NCOA2: variants seen among roughly 807,000 people sequenced by gnomAD.
The protein encoded by NCOA2 is nuclear receptor coactivator 2, also known as class E basic helix-loop-helix protein 75.
NCOA2 carries 21 observed loss-of-function variants against 145.1 expected under a neutral mutation model. The observed-to-expected ratio is 0.14, with a 90% CI of 0.10 to 0.21. NCOA2 has a LOEUF of 0.21. Among genes scored for constraint, NCOA2 ranks in the 10% least tolerant of loss-of-function variants. The pLI is 1.00. For synonymous variants in NCOA2, 619 were observed against 637.5 expected (o/e 0.97, Z 0.44); for missense variants, 1,472 against 1,837.6 (o/e 0.80, Z 3.64).
At chr8:70,434,926 T>C in the NCOA2 span, among the ~76,000 whole-genome samples, 3 of 152,156 alleles carry the variant, frequency 2.0e-5, no homozygotes, top group Non-Finnish European at 4.4e-5. Context: ...GTGTAACCAC[T>C]GCCCTCAGCC....
chr8:70,356,542 A>G (rs1308549747), intron 1 of NCOA2, among the ~76,000 whole-genome samples: 1 of 152,238 alleles, frequency 6.6e-6, no homozygotes, highest in Non-Finnish European at 1.5e-5. Context: ...CAAATACTAC[A>G]TATTTTAATT....
chr8:70,322,007 G>C (rs923473934), intron 1 of NCOA2, among the ~76,000 whole-genome samples: 1 of 151,428 alleles, frequency 6.6e-6, no homozygotes, highest in Non-Finnish European at 1.5e-5. Context: ...TCCCAGGTAC[G>C]TGGGAGGCTG....
chr8:70,280,426 T>C (rs1825790614), intron 2 of NCOA2, among the ~76,000 whole-genome samples: 1 of 152,192 alleles, frequency 6.6e-6, no homozygotes, highest in South Asian at 2.1e-4. Context: ...ATTCATCTGT[T>C]TTCTCAGAAA....
At chr8:70,368,087 G>C (rs1480896163) in intron 1 of NCOA2, among the ~76,000 whole-genome samples, 1 of 152,200 alleles carries the variant, frequency 6.6e-6, no homozygotes, top group African/African-American at 2.4e-5. Context: ...AGAAATCTTA[G>C]AAGACAATGC....
At chr8:70,367,614 T>C (rs914784088) in intron 1 of NCOA2, among the ~76,000 whole-genome samples, 8 of 152,186 alleles carry the variant, frequency 5.3e-5, no homozygotes, top group South Asian at 2.1e-4. Flanking sequence ...ATTTAAATGT[T>C]TGATCATCAG....
At chr8:70,226,827 C>CT (rs1430402078) in intron 2 of NCOA2, among the ~76,000 whole-genome samples, 1 of 152,026 alleles carries the variant, frequency 6.6e-6, no homozygotes, top group Admixed American at 6.6e-5. Flanking sequence ...TCTACCAACT[C>CT]TTTCAGAGCA....
the NCOA2 span, among the ~76,000 whole-genome samples, chr8:70,431,179 A>C: frequency 5.3e-5 from 8 of 152,016 alleles, no homozygotes; most frequent in Non-Finnish European, 8.8e-5. Context: ...GGCTTGTGGA[A>C]TTATGTGTAT....
the NCOA2 span, among the ~76,000 whole-genome samples, chr8:70,444,663 C>G: frequency 6.6e-6 from 1 of 152,142 alleles, no homozygotes; most frequent in East Asian, 1.9e-4. Context: ...TTTCTTACAA[C>G]TGTATGAAAA....
chr8:70,455,422 G>A, the NCOA2 span, among the ~76,000 whole-genome samples: 1 of 152,212 alleles, frequency 6.6e-6, no homozygotes, highest in Non-Finnish European at 1.5e-5. Context: ...CTTAGAAAGT[G>A]GGAGCCGTTT....
intron 2 of NCOA2, among the ~76,000 whole-genome samples, chr8:70,217,106 T>C (rs1303974604): frequency 2.0e-5 from 3 of 152,152 alleles, no homozygotes; most frequent in Non-Finnish European, 4.4e-5. Context: ...AGAGTGATCT[T>C]GCACCATGTG....
chr8:70,328,029 T>C (rs1428252492), intron 1 of NCOA2, among the ~76,000 whole-genome samples: 1 of 152,162 alleles, frequency 6.6e-6, no homozygotes, highest in African/African-American at 2.4e-5. Context: ...TCATCTACTT[T>C]GAGCAAAACA....
chr8:70,362,266 C>G (rs925465847), intron 1 of NCOA2, among the ~76,000 whole-genome samples: 1 of 152,140 alleles, frequency 6.6e-6, no homozygotes, highest in East Asian at 1.9e-4. Context: ...CATACGTCTA[C>G]GTTAATGCAC....
At chr8:70,443,418 C>T in the NCOA2 span, among the ~76,000 whole-genome samples, 1 of 151,944 alleles carries the variant, frequency 6.6e-6, no homozygotes, top group Non-Finnish European at 1.5e-5. Context: ...TATTATTATG[C>T]CTATAACTTA....
rs970793055 is a variant in NCOA2, at chr8:70,122,580, T to C, written c.4294-1189A>G. Among the ~76,000 whole-genome samples the C allele has an allele frequency of 2.0e-5, 3 of 152,372 alleles. No individual in the cohort carries two copies. In the South Asian group the frequency reaches 6.2e-4, roughly 32 times the overall value. Reference sequence around the variant, plus strand: ...CTAAAAGTCTGTATTTCTTTATGTCTGCTTAATGTATCCAAATAAGCATTT... The same window carrying C: ...CTAAAAGTCTGTATTTCTTTATGTCCGCTTAATGTATCCAAATAAGCATTT... On this transcript the variant is annotated intron_variant, in intron 21 of 22. Coordinates refer to ENST00000452400, the MANE Select transcript of NCOA2 (RefSeq NM_006540.4).
chr8:70,315,012 A>C (rs1169048520), intron 1 of NCOA2, among the ~76,000 whole-genome samples: 1 of 152,224 alleles, frequency 6.6e-6, no homozygotes, highest in East Asian at 1.9e-4. Flanking sequence ...TCAATAAAAT[A>C]CTGGAAGGTA....
intron 2 of NCOA2, among the ~76,000 whole-genome samples, chr8:70,247,871 G>A (rs1822760133): frequency 6.6e-6 from 1 of 152,196 alleles, no homozygotes; most frequent in African/African-American, 2.4e-5. Flanking sequence ...TAAGTAAAAT[G>A]TCTTGATCCA....
At chr8:70,245,558 AGACTCAGTCTCT>A (rs1245370599) in intron 2 of NCOA2, among the ~76,000 whole-genome samples, 1 of 151,886 alleles carries the variant, frequency 6.6e-6, no homozygotes, top group African/African-American at 2.4e-5. Flanking sequence ...ACACAGTCTC[AGACTCAGTCTCT>A]CACTCTCTCA....
In NCOA2 at chr8:70,291,918, T is replaced by C. The variant is rs182878764; in HGVS notation, c.-20+4826A>G. Among the ~76,000 whole-genome samples the C allele has an allele frequency of 5.5e-3, 837 of 151,782 alleles. 5 individuals are homozygous for C. Among genetic ancestry groups the C allele is most frequent in the South Asian group, 0.031 (151 of 4,794 alleles). On this transcript the variant is annotated intron_variant, in intron 2 of 22. Coordinates refer to ENST00000452400, the MANE Select transcript of NCOA2 (RefSeq NM_006540.4). ...ATTGAGACCATCCTGGCTAACACGG[T>C]GAAACCCCGTAGCCGGGTGCGGTGG...
At chr8:70,176,631 G>C (rs1814883965) in intron 4 of NCOA2, among the ~76,000 whole-genome samples, 1 of 152,044 alleles carries the variant, frequency 6.6e-6, no homozygotes, top group African/African-American at 2.4e-5. Context: ...TAAAATAAAT[G>C]TGCACTGGGG....
Sources: allele counts gnomAD v4.1 joint callset (sites outside exome capture counted in the v4.1 genomes callset), GRCh38; gene constraint gnomAD v4.1.1; transcripts MANE v1.5; gene names NCBI Gene and HGNC (gene_info 2026-07-23, HGNC 2026-07-21).